CHN2: variants seen among roughly 807,000 people sequenced by gnomAD.
CHN2 encodes chimerin 2.
A neutral mutation model predicts 56.3 loss-of-function variants in CHN2; 35 were observed. That is an observed-to-expected ratio of 0.62 (90% CI 0.47 to 0.82). The LOEUF is 0.82. CHN2 is among the 40% of genes least tolerant of loss of function. The pLI, the probability that CHN2 is intolerant of heterozygous loss-of-function variation, is 0.00. For synonymous variants in CHN2, 210 were observed against 212.8 expected (o/e 0.99, Z 0.12); for missense variants, 491 against 580.5 (o/e 0.85, Z 1.58).
intron 9 of CHN2, 61 bp from the exon 10 acceptor site, chr7:29,504,683 T>C: frequency 3.2e-6 from 1 of 312,108 alleles, no homozygotes; most frequent in African/African-American, 3.8e-5. Context: ...GAAATTAGTC[T>C]TTTTTTTTTT....
intron 1 of CHN2, among the ~76,000 whole-genome samples, chr7:29,293,297 G>T (rs1292829684): frequency 1.4e-5 from 2 of 143,422 alleles, no homozygotes; most frequent in Non-Finnish European, 3.0e-5. Context: ...ATTTTCCCCT[G>T]AATTAAGGAC....
intron 1 of CHN2, among the ~76,000 whole-genome samples, chr7:29,344,581 C>A (rs1797281690): frequency 6.6e-6 from 1 of 152,144 alleles, no homozygotes; most frequent in South Asian, 2.1e-4. Context: ...TGTGTATCCT[C>A]CAAGAGCCTA....
rs375120538 is a variant in CHN2 at position 29,482,797 on chromosome 7, C to CTTTTTTTTT, written c.654+2475_654+2483dup. Among the ~76,000 whole-genome samples, 144 of 64,206 alleles carry CTTTTTTTTT rather than the reference C, an allele frequency of 2.2e-3. 35 individuals are homozygous for CTTTTTTTTT. The highest frequency in any genetic ancestry group is 3.3e-3 in the Non-Finnish European group (114 of 34,258). The allele number at this position is 64,206 out of a possible 152,430, so 42.1% of individuals were successfully genotyped here. On this transcript the variant is annotated intron_variant, in intron 7 of 12. Coordinates refer to ENST00000222792, the MANE Select transcript of CHN2 (RefSeq NM_004067.4). ...TGCTAGGTGCTGTCTGCACTTTTTT[C>CTTTTTTTTT]TTTTTTTTTTTTTTTTTTTTTTTTT...
chr7:29,467,365 A>G (rs1785629310), intron 6 of CHN2, among the ~76,000 whole-genome samples: 1 of 152,116 alleles, frequency 6.6e-6, no homozygotes, highest in Admixed American at 6.6e-5. Flanking sequence ...CGGGTGGGGT[A>G]GGGCATGTTG....
At chr7:29,447,026 T>C (rs918620949) in intron 6 of CHN2, among the ~76,000 whole-genome samples, 3 of 152,112 alleles carry the variant, frequency 2.0e-5, no homozygotes, top group African/African-American at 4.8e-5. Context: ...AAAAGCGAAG[T>C]TGAAGAACAT....
At chr7:29,214,983 G>A (rs35335786) in intron 1 of CHN2, among the ~76,000 whole-genome samples, 20,113 of 152,054 alleles carry the variant, frequency 0.13, 1,704 homozygotes, top group Non-Finnish European at 0.19. Flanking sequence ...CAGGAAGGGA[G>A]GGGCCCTTGG....
intron 2 of CHN2, among the ~76,000 whole-genome samples, chr7:29,173,949 C>CAAAA (rs74313059): frequency 8.6e-6 from 1 of 115,818 alleles, no homozygotes; most frequent in Non-Finnish European, 1.8e-5. Context: ...GAGACTGACT[C>CAAAA]AAAAAAAAAA....
rs578019806 is a variant in CHN2, at chr7:29,255,177, G to A, written c.49+60187G>A. On this transcript the variant is annotated intron_variant, in intron 1 of 12. Coordinates refer to ENST00000222792, the MANE Select transcript of CHN2 (RefSeq NM_004067.4). ...GAAGTAATTTTCCCTGGACATGCCC[G>A]GTGGATTGTGTGCAGAGGGAGACCT... 3.3e-5 allele frequency among the ~76,000 whole-genome samples: 5 copies of A among 152,350 alleles called. 1 individual carries two copies. Among genetic ancestry groups the A allele is most frequent in the South Asian group, 2.1e-4 (1 of 4,828 alleles).
chr7:29,387,149 C>G (rs1172743671), intron 3 of CHN2, among the ~76,000 whole-genome samples: 1 of 152,198 alleles, frequency 6.6e-6, no homozygotes, highest in African/African-American at 2.4e-5. Context: ...AGGAGAGAAA[C>G]CCTCAGGACT....
intron 1 of CHN2, among the ~76,000 whole-genome samples, chr7:29,336,794 C>A (rs1024474): frequency 0.79 from 101,968 of 128,372 alleles, 39,951 homozygotes; most frequent in Middle Eastern, 0.88. Context: ...AAAAAAGCTT[C>A]ACATGCAAAC....
intron 2 of CHN2, among the ~76,000 whole-genome samples, chr7:29,367,489 A>G (rs1034643511): frequency 6.6e-6 from 1 of 152,208 alleles, no homozygotes; most frequent in Admixed American, 6.5e-5. Flanking sequence ...AACATCTCAG[A>G]GAATCACACT....
chr7:29,251,175 C>A (rs943157086), intron 1 of CHN2, among the ~76,000 whole-genome samples: 7 of 152,142 alleles, frequency 4.6e-5, no homozygotes, highest in African/African-American at 1.7e-4. Flanking sequence ...AATACCAGAC[C>A]AGGCATGTGG....
chr7:29,431,006 G>C (rs1782813065), intron 6 of CHN2, among the ~76,000 whole-genome samples: 1 of 152,118 alleles, frequency 6.6e-6, no homozygotes, highest in Non-Finnish European at 1.5e-5. Flanking sequence ...CCTAAGCCTA[G>C]TCAGGGTCCT....
intron 1 of CHN2, among the ~76,000 whole-genome samples, chr7:29,250,719 T>C (rs1240164363): frequency 2.0e-5 from 3 of 151,634 alleles, no homozygotes; most frequent in Non-Finnish European, 4.4e-5. Context: ...TTCTTTTTTT[T>C]TTTTTTTTTG....
intron 6 of CHN2, among the ~76,000 whole-genome samples, chr7:29,418,417 C>T (rs963032564): frequency 2.0e-5 from 3 of 152,240 alleles, no homozygotes; most frequent in Admixed American, 2.0e-4. Context: ...CCAGAAATTA[C>T]TATTTGACTG....
chr7:29,506,628 T>A (rs1030898125), intron 10 of CHN2, among the ~76,000 whole-genome samples: 2 of 152,054 alleles, frequency 1.3e-5, no homozygotes, highest in Admixed American at 6.6e-5. Context: ...CAGAGTGAGA[T>A]TCTGTCTCAC....
At chr7:29,483,467 C>T (rs890014940) in intron 7 of CHN2, among the ~76,000 whole-genome samples, 1 of 152,168 alleles carries the variant, frequency 6.6e-6, no homozygotes. Context: ...TACTTTTCAA[C>T]ACTGTGTGCT....
intron 6 of CHN2, among the ~76,000 whole-genome samples, chr7:29,437,017 A>G (rs1346066917): frequency 1.3e-5 from 2 of 152,032 alleles, no homozygotes; most frequent in Non-Finnish European, 2.9e-5. Context: ...AATAATAAGT[A>G]GAGGATACAG....
chr7:29,195,649 T>TGTGTGTGTGTGTGA (rs1554358914), intron 1 of CHN2, among the ~76,000 whole-genome samples: 2 of 130,730 alleles, frequency 1.5e-5, no homozygotes, highest in South Asian at 4.8e-4. Flanking sequence ...TGTGTGTGTG[T>TGTGTGTGTGTGTGA]GAGAGAGAGA....
Sources: gnomAD v4.1 joint callset for allele counts (sites outside exome capture counted in the v4.1 genomes callset) on GRCh38, gnomAD v4.1.1 for gene constraint, MANE v1.5 for transcripts, NCBI Gene and HGNC (gene_info 2026-07-23, HGNC 2026-07-21) for gene names.